Variants in BRI3BP observed in about 807,000 individuals in gnomAD.
BRI3BP encodes the protein BRI3 binding protein, also known as BRI3-binding protein.
A neutral mutation model predicts 15.8 loss-of-function variants in BRI3BP; 7 were observed. The ratio of observed to expected loss-of-function variants is 0.44; its 90% CI spans 0.25 to 0.83. The LOEUF (loss-of-function observed/expected upper bound fraction) is 0.83, where lower values mean the gene tolerates loss of function less well. Ranked by LOEUF, BRI3BP falls within the 40% of genes least tolerant of loss-of-function variation. BRI3BP has a pLI of 0.20. For missense variants in BRI3BP, 320 were observed against 339.3 expected, an observed-to-expected ratio of 0.94 and a Z score of 0.45; for synonymous variants, 192 against 163.5, an observed-to-expected ratio of 1.17 and a Z score of -1.33.
chr12:125,002,667 A>G (rs1240193756), intron 1 of BRI3BP, among the ~76,000 whole-genome samples: 3 of 152,144 alleles, frequency 2.0e-5, no homozygotes, highest in African/African-American at 7.2e-5. Context: ...TGTGTTAGCC[A>G]GGATGGTCTC....
chr12:125,024,775 G>C (rs1374262520), intron 2 of BRI3BP, among the ~76,000 whole-genome samples: 1 of 152,054 alleles, frequency 6.6e-6, no homozygotes, highest in Non-Finnish European at 1.5e-5. Flanking sequence ...CTCCAGCCTG[G>C]GCAACAGAGC....
At chr12:125,006,644 G>T (rs1230200985) in intron 1 of BRI3BP, among the ~76,000 whole-genome samples, 2 of 152,200 alleles carry the variant, frequency 1.3e-5, no homozygotes, top group African/African-American at 4.8e-5. Flanking sequence ...GCTCCGACAC[G>T]CTGGGCACCT....
At position 125,023,162 on chromosome 12, in the gene BRI3BP, T is replaced by C. The variant is rs536752640; in HGVS notation, c.317-1829T>C. On this transcript the variant is annotated intron_variant, in intron 2 of 2. Coordinates refer to ENST00000341446, the MANE Select transcript of BRI3BP (RefSeq NM_080626.6). ...GCTGAAACAGAAATCCAACATAACA[T>C]TGGCTTAACCAAGATGGACACCTAT... Among the ~76,000 whole-genome samples, 3 of 152,330 alleles carry C rather than the reference T, an allele frequency of 2.0e-5. No individual in the cohort carries two copies. In the East Asian group the frequency reaches 5.8e-4, roughly 29 times the overall value.
Position 124,997,436 on chromosome 12 carries a change from G to A in BRI3BP, c.213+3433G>A, listed in dbSNP as rs77245596. ...TCACTGTGTTGGCCAGGCTGGTCTC[G>A]ATCTCATGACTTCAGGTGATCTGCC... On this transcript the variant is annotated intron_variant, in intron 1 of 2. Coordinates refer to ENST00000341446, the MANE Select transcript of BRI3BP (RefSeq NM_080626.6). Among the ~76,000 whole-genome samples the A allele has an allele frequency of 9.6e-3, 1,439 of 150,656 alleles. 29 individuals are homozygous for A. The highest frequency in any genetic ancestry group is 0.034 in the African/African-American group (1,383 of 40,972).
chr12:124,999,517 G>A (rs187672469), intron 1 of BRI3BP, among the ~76,000 whole-genome samples: 2 of 152,114 alleles, frequency 1.3e-5, no homozygotes, highest in African/African-American at 4.8e-5. Flanking sequence ...TCTACCTCCC[G>A]GGCTCAAATG....
intron 1 of BRI3BP, among the ~76,000 whole-genome samples, chr12:125,003,743 A>G (rs1418106953): frequency 6.6e-6 from 1 of 152,144 alleles, no homozygotes; most frequent in Non-Finnish European, 1.5e-5. Context: ...ACTAGAGGTC[A>G]GGAGTTTGAG....
chr12:125,042,336 C>A, the BRI3BP span, among the ~76,000 whole-genome samples: 149 of 152,266 alleles, frequency 9.8e-4, no homozygotes, highest in Middle Eastern at 6.8e-3. Context: ...AACAGCTGCT[C>A]TTCCCAAATT....
intron 2 of BRI3BP, among the ~76,000 whole-genome samples, chr12:125,024,321 C>CG (rs1955328392): frequency 6.6e-6 from 1 of 150,880 alleles, no homozygotes; most frequent in African/African-American, 2.4e-5. Flanking sequence ...CCAATCACCC[C>CG]CCACGAGGTT....
chr12:124,998,283 G>A (rs868698686), intron 1 of BRI3BP, among the ~76,000 whole-genome samples: 3 of 152,068 alleles, frequency 2.0e-5, no homozygotes, highest in South Asian at 2.1e-4. Flanking sequence ...CAGAGACTCC[G>A]TCTCAAAAAA....
intron 1 of BRI3BP, among the ~76,000 whole-genome samples, chr12:125,009,921 G>A (rs1418815434): frequency 2.0e-5 from 3 of 152,120 alleles, no homozygotes; most frequent in Non-Finnish European, 4.4e-5. Context: ...GGCCAGCATG[G>A]TGAAACCCCA....
chr12:125,037,547 C>T, the BRI3BP span, among the ~76,000 whole-genome samples: 6 of 151,894 alleles, frequency 4.0e-5, no homozygotes, highest in African/African-American at 9.7e-5. Flanking sequence ...CACGGTGGCT[C>T]ACGCCTGTAA....
At chr12:125,032,053 C>T (rs1454143979), downstream of BRI3BP, among the ~76,000 whole-genome samples, 1 of 151,956 alleles carries the variant, frequency 6.6e-6, no homozygotes, top group East Asian at 1.9e-4. Context: ...TGAGCGGGGG[C>T]GGTGAGGCAC....
intron 1 of BRI3BP, among the ~76,000 whole-genome samples, chr12:125,000,957 C>T (rs1955086383): frequency 6.6e-6 from 1 of 152,294 alleles, no homozygotes; most frequent in Admixed American, 6.5e-5. Context: ...AATCCAACAC[C>T]CAGTCAAGGA....
At chr12:125,009,959 G>C (rs1955183228) in intron 1 of BRI3BP, among the ~76,000 whole-genome samples, 1 of 152,102 alleles carries the variant, frequency 6.6e-6, no homozygotes, top group African/African-American at 2.4e-5. Flanking sequence ...AAAATTAGCT[G>C]GGTATGATGG....
At chr12:125,008,523 A>G (rs536638771) in intron 1 of BRI3BP, among the ~76,000 whole-genome samples, 10 of 151,778 alleles carry the variant, frequency 6.6e-5, no homozygotes, top group East Asian at 1.9e-4. Context: ...CGTGTTAGCC[A>G]GGATGGTCTA....
At chr12:125,048,984 T>A in the BRI3BP span, among the ~76,000 whole-genome samples, 1 of 151,944 alleles carries the variant, frequency 6.6e-6, no homozygotes, top group South Asian at 2.1e-4. Flanking sequence ...CGAGATGGAG[T>A]TTCGGCTTTT....
chr12:125,031,574 ATTTTTTT>A (rs367625363), downstream of BRI3BP, among the ~76,000 whole-genome samples: 60 of 84,190 alleles, frequency 7.1e-4, no homozygotes, highest in African/African-American at 2.4e-3. Flanking sequence ...TTTTCTTTCT[ATTTTTTT>A]TTTTTTTTTT....
intron 2 of BRI3BP, among the ~76,000 whole-genome samples, chr12:125,021,335 TC>T (rs1292245300): frequency 1.3e-5 from 2 of 152,230 alleles, no homozygotes; most frequent in East Asian, 3.9e-4. Context: ...CCGGAGGAGC[TC>T]CAGGGTTGAG....
At chr12:125,041,931 C>T in the BRI3BP span, among the ~76,000 whole-genome samples, 23 of 152,214 alleles carry the variant, frequency 1.5e-4, no homozygotes, top group African/African-American at 4.8e-4. Flanking sequence ...TGGGCTAAAG[C>T]GATCCTCCTG....
Sources: allele counts gnomAD v4.1 joint callset (sites outside exome capture counted in the v4.1 genomes callset), GRCh38; gene constraint gnomAD v4.1.1; transcripts MANE v1.5; gene names NCBI Gene and HGNC (gene_info 2026-07-23, HGNC 2026-07-21).